The following MALRD1 variants were observed in gnomAD, a reference collection of about 807,000 sequenced individuals.
MALRD1 encodes MAM and LDL-receptor class A domain-containing protein 1.
In MALRD1, 247 loss-of-function variants were observed where a neutral mutation model predicts 242.1. The observed-to-expected ratio is 1.02, with a 90% CI of 0.92 to 1.13. The LOEUF is 1.13. MALRD1 is among the 50% of genes most tolerant of loss of function. The pLI, the probability that MALRD1 is intolerant of heterozygous loss-of-function variation, is 0.00. For missense variants in MALRD1, 2,989 were observed against 2,533.1 expected (o/e 1.18, Z -3.86); for synonymous variants, 995 against 866.6 (o/e 1.15, Z -2.60).
chr10:19,703,871 G>T (rs1031117733), intron 38 of MALRD1, among the ~76,000 whole-genome samples: 1 of 152,210 alleles, frequency 6.6e-6, no homozygotes, highest in East Asian at 1.9e-4. Context: ...CTCCAGTCTA[G>T]GTGACAGAGC....
rs77186433 is a variant in MALRD1 at position 19,638,477 on chromosome 10, A to T, written c.6137+22554A>T. 8.5e-4 allele frequency among the ~76,000 whole-genome samples: 130 copies of T among 152,290 alleles called. 1 individual carries two copies. The highest frequency in any genetic ancestry group is 1.4e-3 in the Non-Finnish European group (98 of 68,022). ...AAAGAGATTTTAGAATTACTAATTG[A>T]GTATGAGTGAGGGATGATCAAGAAG... On this transcript the variant is annotated intron_variant, in intron 36 of 39. Transcript: ENST00000454679.
intron 18 of MALRD1, among the ~76,000 whole-genome samples, chr10:19,220,513 G>A (rs751347327): frequency 3.3e-5 from 5 of 152,108 alleles, no homozygotes; most frequent in Non-Finnish European, 5.9e-5. Flanking sequence ...ATCTTCAGCC[G>A]CCTTTATTGT....
chr10:19,546,049 T>G (rs1286477365), intron 32 of MALRD1, among the ~76,000 whole-genome samples: 1 of 152,170 alleles, frequency 6.6e-6, no homozygotes, highest in Non-Finnish European at 1.5e-5. Flanking sequence ...TATTTTCCCA[T>G]TGGTTCTGTT....
At chr10:19,439,189 T>C (rs1160000429) in intron 28 of MALRD1, among the ~76,000 whole-genome samples, 2 of 144,720 alleles carry the variant, frequency 1.4e-5, no homozygotes, top group Non-Finnish European at 2.9e-5. Context: ...ATTATGTTCA[T>C]TGTTAAACAT....
chr10:19,179,992 AAAG>A (rs1039620300), intron 14 of MALRD1, among the ~76,000 whole-genome samples: 1 of 152,194 alleles, frequency 6.6e-6, no homozygotes, highest in Non-Finnish European at 1.5e-5. Flanking sequence ...GAAGAAAAAA[AAAG>A]AAGGTTGTCT....
At chr10:19,713,769 A>G (rs967561445) in intron 38 of MALRD1, among the ~76,000 whole-genome samples, 4 of 152,230 alleles carry the variant, frequency 2.6e-5, no homozygotes, top group Non-Finnish European at 4.4e-5. Flanking sequence ...AAAATGCACA[A>G]TGCACAGTGA....
chr10:19,478,144 C>T (rs189592411), intron 29 of MALRD1, among the ~76,000 whole-genome samples: 8 of 152,332 alleles, frequency 5.3e-5, no homozygotes, highest in Admixed American at 2.6e-4. Context: ...CAAAATAAAT[C>T]AACTCTATCA....
chr10:19,296,214 C>T (rs771113277), intron 21 of MALRD1, among the ~76,000 whole-genome samples: 1 of 152,104 alleles, frequency 6.6e-6, no homozygotes, highest in African/African-American at 2.4e-5. Context: ...ATAACTTTTT[C>T]ACCTGTTACC....
rs536961516 is a variant in MALRD1, at chr10:19,491,466, C to G, written c.5030-51C>G. The G allele has an allele frequency of 3.1e-4, 470 of 1,532,690 alleles. 5 individuals are homozygous for G. The South Asian group carries it at 4.1e-3, about 13-fold the overall frequency. The allele number at this position is 1,532,690 out of a possible 1,614,324, so 94.9% of individuals were successfully genotyped here. ...AAATACCTAACAGGAATCTTCAAGT[C>G]TAATGAAAATATTGATGGAATACTG... is the stretch of plus-strand genomic sequence containing the variant. On this transcript the variant is annotated intron_variant, in intron 29 of 39. Coordinates refer to ENST00000454679, the MANE Select transcript of MALRD1 (RefSeq NM_001142308.3).
chr10:19,385,409 C>T (rs1846033051), intron 26 of MALRD1, among the ~76,000 whole-genome samples: 1 of 151,990 alleles, frequency 6.6e-6, no homozygotes, highest in Admixed American at 6.6e-5. Flanking sequence ...GTTACCACTT[C>T]AATCTCATTA....
At chr10:19,612,769 T>C (rs1838959443) in intron 35 of MALRD1, among the ~76,000 whole-genome samples, 1 of 151,810 alleles carries the variant, frequency 6.6e-6, no homozygotes, top group Non-Finnish European at 1.5e-5. Context: ...GAACGGGAAG[T>C]GCTAAACACT....
At chr10:19,300,901 C>T (rs1175376140) in intron 21 of MALRD1, among the ~76,000 whole-genome samples, 2 of 152,000 alleles carry the variant, frequency 1.3e-5, no homozygotes, top group African/African-American at 4.8e-5. Context: ...GCAAAAGAAG[C>T]TATCAACAGA....
rs185502005 is a variant in MALRD1, at chr10:19,117,464, T to C, written c.695-6028T>C. ...CTTCTGGGTTTTTTTTTTTGTCTTG[T>C]GTAAATAGTGATGAATTAGAGATAA... On this transcript the variant is annotated intron_variant, in intron 5 of 39. Transcript: ENST00000454679. Among the ~76,000 whole-genome samples, 8 of 152,018 alleles carry C rather than the reference T, an allele frequency of 5.3e-5. No individual in the cohort carries two copies. In the East Asian group the frequency reaches 9.7e-4, roughly 18 times the overall value.
chr10:19,207,428 CTG>C (rs1417791595), intron 17 of MALRD1, among the ~76,000 whole-genome samples: 1 of 152,154 alleles, frequency 6.6e-6, no homozygotes, highest in Non-Finnish European at 1.5e-5. Context: ...ATTCCTGAAA[CTG>C]AGAATAGTAC....
intron 26 of MALRD1, among the ~76,000 whole-genome samples, chr10:19,385,560 A>T (rs1213042600): frequency 2.0e-5 from 3 of 151,882 alleles, no homozygotes; most frequent in South Asian, 2.1e-4. Flanking sequence ...ATGATCCTTT[A>T]TGTGTCTATG....
rs184552806 is a variant in MALRD1 at position 19,477,294 on chromosome 10, A to G, written c.5030-14223A>G. On this transcript the variant is annotated intron_variant, in intron 29 of 39. Coordinates refer to ENST00000454679, the MANE Select transcript of MALRD1 (RefSeq NM_001142308.3). ...CAAGAAAATTGTCAATGAATTAACT[A>G]AGTATCTTCAAGATAATATTCAAAA... Among the ~76,000 whole-genome samples the G allele has an allele frequency of 3.5e-3, 540 of 152,298 alleles. 3 individuals carry two copies. The highest frequency in any genetic ancestry group is 0.011 in the African/African-American group (453 of 41,562).
chr10:19,333,426 C>T (rs1013853588), intron 24 of MALRD1, among the ~76,000 whole-genome samples: 13 of 152,086 alleles, frequency 8.5e-5, no homozygotes, highest in African/African-American at 3.1e-4. Flanking sequence ...CATTAATTCA[C>T]TTAGAATTAT....
At chr10:19,594,268 C>T (rs545444275) in intron 33 of MALRD1, among the ~76,000 whole-genome samples, 1 of 152,100 alleles carries the variant, frequency 6.6e-6, no homozygotes, top group Non-Finnish European at 1.5e-5. Context: ...TGTCAGTTTT[C>T]ATGTCAATGA....
At chr10:19,468,383 A>G (rs985820963) in intron 29 of MALRD1, among the ~76,000 whole-genome samples, 24 of 152,276 alleles carry the variant, frequency 1.6e-4, no homozygotes, top group Admixed American at 2.0e-4. Flanking sequence ...TAGTTGAATT[A>G]ATTTTAGAAA....
Sources: gnomAD v4.1 joint callset for allele counts (sites outside exome capture counted in the v4.1 genomes callset) on GRCh38, gnomAD v4.1.1 for gene constraint, MANE v1.5 for transcripts, NCBI Gene and HGNC (gene_info 2026-07-23, HGNC 2026-07-21) for gene names.